Variants in VAX1 observed in about 807,000 individuals in gnomAD.
VAX1 encodes ventral anterior homeobox 1.
In VAX1, 6 loss-of-function variants were observed where a neutral mutation model predicts 17.6. The observed-to-expected ratio is 0.34, with a 90% CI of 0.19 to 0.67. The LOEUF is 0.67. Among genes scored for constraint, VAX1 ranks in the 30% least tolerant of loss-of-function variants. The pLI is 0.69. For missense variants in VAX1, 408 were observed against 463.7 expected (o/e 0.88, Z 1.10); for synonymous variants, 256 against 227.4 (o/e 1.13, Z -1.13).
chr10:117,138,063 G>C lies in VAX1; in HGVS notation c.-7C>G, dbSNP rs1463301487. ...TGTCTGGTTTCCCGAACATAGGCAAGAACAACAACAAAAACAGAAAGGAAA... is the reference window on the plus strand; with the variant it reads ...TGTCTGGTTTCCCGAACATAGGCAACAACAACAACAAAAACAGAAAGGAAA... On this transcript the variant is annotated 5_prime_UTR_variant, in exon 1 of 3. Transcript: ENST00000369206. 4.2e-6 allele frequency: 5 copies of C among 1,197,240 alleles called. No individual in the cohort carries two copies. The African/African-American group carries it at 1.1e-4, about 26-fold the overall frequency. The allele number at this position is 1,197,240 out of a possible 1,614,324, so 74.2% of individuals were successfully genotyped here.
rs372495863 is a variant in VAX1 at position 117,137,934 on chromosome 10, G to C, written c.123C>G (p.Ala41=). The C allele has an allele frequency of 2.3e-5, 37 of 1,613,884 alleles. No homozygotes were observed. The highest frequency in any genetic ancestry group is 3.0e-5 in the Non-Finnish European group (35 of 1,179,992). Residue 41 remains alanine, a synonymous_variant, in exon 1 of 3, where the codon GCC becomes GCG. Coordinates refer to ENST00000369206, the MANE Select transcript of VAX1 (RefSeq NM_001112704.2). This position sits in a 1 kb window ranked among gnomAD's most constrained non-coding sequence, Gnocchi z 7.4. ...CGCCCTGCGGCTCCTTGAGGAAGGCGGCTGGGAGGTTCCCCTCCGCGCCCT... is the reference window on the plus strand; with the variant it reads ...CGCCCTGCGGCTCCTTGAGGAAGGCCGCTGGGAGGTTCCCCTCCGCGCCCT... ...ESKGAEGNLP[A]AFLKEPQGAF...
At position 117,134,270 on chromosome 10, in the gene VAX1, C is replaced by T. The variant is rs1854135326; in HGVS notation, c.743G>A (p.Gly248Asp). ...GAASPHPPAV[G>D]GAPGPGPAGP... ...GGCGGGCCCGGGACCTGGAGCACCG[C>T]CCACAGCCGGCGGGTGCGGGGATGC... The change falls in exon 3 of 3, where the codon GGC becomes GAC. Residue 248 changes from glycine to aspartate, a missense_variant. Physicochemically the swap from Gly to Asp is moderately conservative, Grantham distance 94. Around this residue, in one of 4 missense-constraint regions of VAX1, gnomAD observed 196 missense variants for 218.7 expected, o/e 0.90. Transcript: ENST00000369206. The surrounding 1 kb of genome is among the most constrained non-coding windows in gnomAD (Gnocchi z 6.2). 7.8e-7 allele frequency: 1 copy of T among 1,289,342 alleles called. No homozygotes were observed. The highest frequency in any genetic ancestry group is 2.5e-5 in the South Asian group (1 of 39,720). The allele number at this position is 1,289,342 out of a possible 1,614,324, so 79.9% of individuals were successfully genotyped here.
At position 117,136,373 on chromosome 10, in the gene VAX1, G is replaced by C; in HGVS notation, c.429+99C>G. On this transcript the variant is annotated intron_variant, in intron 2 of 2. Coordinates refer to ENST00000369206, the MANE Select transcript of VAX1 (RefSeq NM_001112704.2). This position sits in a 1 kb window ranked among gnomAD's most constrained non-coding sequence, Gnocchi z 5.0. ...CCATCTCCTCCACCTCCCAAGGGTA[G>C]TTCTGTCCAGAGCAGGTTAGGAGGT... 3 of 1,462,480 alleles carry C rather than the reference G, an allele frequency of 2.1e-6. No individual in the cohort carries two copies. The highest frequency in any genetic ancestry group is 2.8e-6 in the Non-Finnish European group (3 of 1,074,358). The allele number at this position is 1,462,480 out of a possible 1,614,324, so 90.6% of individuals were successfully genotyped here.
At chr10:117,132,852 C>A (rs1854108977), downstream of VAX1, among the ~76,000 whole-genome samples, 1 of 152,186 alleles carries the variant, frequency 6.6e-6, no homozygotes, top group Non-Finnish European at 1.5e-5. The surrounding 1 kb of genome is among the most constrained non-coding windows in gnomAD (Gnocchi z 4.9). Flanking sequence ...GCCTCCCCTT[C>A]CGCAAAGAAC....
Position 117,134,309 on chromosome 10 carries a change from C to T in VAX1, c.704G>A (p.Gly235Asp). 9.1e-7 allele frequency: 1 copy of T among 1,103,838 alleles called. No individual in the cohort carries two copies. Among genetic ancestry groups the T allele is most frequent in the Middle Eastern group, 3.9e-4 (1 of 2,562 alleles). The allele number at this position is 1,103,838 out of a possible 1,614,324, so 68.4% of individuals were successfully genotyped here. Residue 235 changes from glycine (G) to aspartate (D), a missense_variant, in exon 3 of 3, where the codon GGC becomes GAC. By Grantham distance (94) the Gly-to-Asp change is moderately conservative. This residue lies in a region of VAX1 where 196 missense variants were observed against 218.7 expected (regional missense o/e 0.90). Coordinates refer to ENST00000369206, the MANE Select transcript of VAX1 (RefSeq NM_001112704.2). The surrounding 1 kb of genome is among the most constrained non-coding windows in gnomAD (Gnocchi z 6.2). ...GTGCGGGGATGCAGCGCCCGCTGGGCCCGGGGCGGCGGCGGCGGCTGCGGC... is the reference window on the plus strand; with the variant it reads ...GTGCGGGGATGCAGCGCCCGCTGGGTCCGGGGCGGCGGCGGCGGCTGCGGC... ...SAAAAAAAAP[G>D]PAGAASPHPP...
downstream of VAX1, chr10:117,132,506 G>A (rs1472301389): frequency 6.3e-7 from 1 of 1,585,892 alleles, no homozygotes; most frequent in African/African-American, 1.4e-5. This position sits in a 1 kb window ranked among gnomAD's most constrained non-coding sequence, Gnocchi z 4.9. Flanking sequence ...TGAAAAAGAG[G>A]GGGAGAGTTT....
Position 117,133,672 on chromosome 10 carries a change from C to G in VAX1, c.*336G>C. On this transcript the variant is annotated 3_prime_UTR_variant, in exon 3 of 3. Coordinates refer to ENST00000369206, the MANE Select transcript of VAX1 (RefSeq NM_001112704.2). ...GCGGATCTAGAGCAAACGTCCTGTG[C>G]TTTGGAGTTAGAACCAGTCTTTTCC... 9.6e-7 allele frequency: 1 copy of G among 1,042,278 alleles called. No homozygotes were observed. The highest frequency in any genetic ancestry group is 1.2e-6 in the Non-Finnish European group (1 of 867,844). The allele number at this position is 1,042,278 out of a possible 1,614,324, so 64.6% of individuals were successfully genotyped here.
downstream of VAX1, chr10:117,133,236 T>TA (rs1854114990): frequency 1.0e-6 from 1 of 978,582 alleles, no homozygotes; most frequent in Non-Finnish European, 1.2e-6. Flanking sequence ...TGAATTTTCT[T>TA]ACACCTTCCA....
chr10:117,132,394 A>G (rs1854099898), downstream of VAX1: 1 of 1,611,768 alleles, frequency 6.2e-7, no homozygotes, highest in Non-Finnish European at 8.5e-7. This position sits in a 1 kb window ranked among gnomAD's most constrained non-coding sequence, Gnocchi z 4.9. Context: ...CCAAATATCC[A>G]AAACATTCAG....
downstream of VAX1, chr10:117,132,087 G>T (rs1854092421): frequency 1.0e-6 from 1 of 1,003,214 alleles, no homozygotes; most frequent in East Asian, 2.5e-5. This position sits in a 1 kb window ranked among gnomAD's most constrained non-coding sequence, Gnocchi z 4.9. Context: ...GAGAAATCGA[G>T]AGCGAAACAC....
In VAX1 at chr10:117,137,879, A is replaced by G. The variant is rs1854212650; in HGVS notation, c.178T>C (p.Cys60Arg). Residue 60 changes from cysteine to arginine, a missense_variant, in exon 1 of 3, where the codon TGT (cysteine) becomes CGT (arginine). Coordinates refer to ENST00000369206, the MANE Select transcript of VAX1 (RefSeq NM_001112704.2). This position sits in a 1 kb window ranked among gnomAD's most constrained non-coding sequence, Gnocchi z 7.4. ...GCGGAATTGGATTTACTTTTGTTAC[A>G]ATCCTCAGCAGCGCCCGACGCTGAG... ...AFSASGAAED[C>R]NKSKSNSAAD... is the part of the protein sequence containing the mutation. The G allele has an allele frequency of 6.2e-7, 1 of 1,613,584 alleles. No individual in the cohort carries two copies. Among genetic ancestry groups the G allele is most frequent in the African/African-American group, 1.3e-5 (1 of 74,886 alleles).
Position 117,136,664 on chromosome 10 carries a change from G to A in VAX1, c.242-5C>T, listed in dbSNP as rs200000920. The A allele has an allele frequency of 7.9e-5, 126 of 1,600,860 alleles. No individual in the cohort carries two copies. Among genetic ancestry groups the A allele is most frequent in the Admixed American group, 1.8e-4 (11 of 59,646 alleles). On this transcript the variant is annotated splice_region_variant and splice_polypyrimidine_tract_variant and intron_variant, in intron 1 of 2. Coordinates refer to ENST00000369206, the MANE Select transcript of VAX1 (RefSeq NM_001112704.2). This position sits in a 1 kb window ranked among gnomAD's most constrained non-coding sequence, Gnocchi z 5.0. The stretch of plus-strand genomic sequence containing the variant: ...CTCGGATGGACCCCTTGGCATCTGG[G>A]GAAGGGGAGATGTCAGCCGCCAGAA...
In VAX1 at chr10:117,134,696, T is replaced by G. The variant is rs929036401; in HGVS notation, c.430-113A>C. ...GGGCTCTCCCCAAGTCCCAGCCCTA[T>G]CCGCAGCCCCACCCAGCAGCCGGAG... On this transcript the variant is annotated intron_variant, in intron 2 of 2. Coordinates refer to ENST00000369206, the MANE Select transcript of VAX1 (RefSeq NM_001112704.2). The surrounding 1 kb of genome is among the most constrained non-coding windows in gnomAD (Gnocchi z 6.2). 1.2e-5 allele frequency: 13 copies of G among 1,102,958 alleles called. No homozygotes were observed. Among genetic ancestry groups the G allele is most frequent in the African/African-American group, 1.7e-5 (1 of 59,942 alleles). The allele number at this position is 1,102,958 out of a possible 1,614,324, so 68.3% of individuals were successfully genotyped here.
downstream of VAX1, chr10:117,131,668 A>T (rs1417795305): frequency 1.3e-5 from 2 of 152,518 alleles, no homozygotes; most frequent in Admixed American, 1.3e-4. Flanking sequence ...CGTGCTGCAC[A>T]CGCTTTAGAA....
rs1311563339 is a variant in VAX1, at chr10:117,137,167, C to G, written c.242-508G>C. ...GCCGGGCCCGGAGATCTGCTGCTGG[C>G]TGGGGCGGCGCCGGGCCGGGGCCCG... On this transcript the variant is annotated intron_variant, in intron 1 of 2. Coordinates refer to ENST00000369206, the MANE Select transcript of VAX1 (RefSeq NM_001112704.2). This position sits in a 1 kb window ranked among gnomAD's most constrained non-coding sequence, Gnocchi z 7.4. Among the ~76,000 whole-genome samples, 1 of 151,916 alleles carries G rather than the reference C, an allele frequency of 6.6e-6. No homozygotes were observed. The highest frequency in any genetic ancestry group is 2.4e-5 in the African/African-American group (1 of 41,402).
Position 117,134,412 on chromosome 10 carries a change from C to A in VAX1, c.601G>T (p.Ala201Ser). 6.7e-7 allele frequency: 1 copy of A among 1,490,164 alleles called. No homozygotes were observed. 92.3% of individuals were successfully genotyped at this position (1,490,164 alleles called of 1,614,324 possible). Residue 201 changes from alanine (A) to serine (S), a missense_variant, in exon 3 of 3, where the codon GCC becomes TCC. Transcript: ENST00000369206. This position sits in a 1 kb window ranked among gnomAD's most constrained non-coding sequence, Gnocchi z 6.2. Reference protein sequence around the residue: ...PGLPALLPPCATGALGSALRG... With the variant: ...PGLPALLPPCSTGALGSALRG... ...AGCGCTGAGCCGAGAGCGCCCGTGG[C>A]GCAAGGCGGCAGCAGCGCAGGCAGG...
Position 117,138,166 on chromosome 10 carries a change from C to G in VAX1, c.-110G>C. 8.4e-7 allele frequency: 1 copy of G among 1,185,168 alleles called. No individual in the cohort carries two copies. Among genetic ancestry groups the G allele is most frequent in the Non-Finnish European group, 1.1e-6 (1 of 876,554 alleles). The allele number at this position is 1,185,168 out of a possible 1,614,324, so 73.4% of individuals were successfully genotyped here. On this transcript the variant is annotated 5_prime_UTR_variant, in exon 1 of 3. Transcript: ENST00000369206. ...AGGAAAAAGGGGACAAAACCCCCGACAACGCGGCCCGTACGCCCGGCCCGG... is the reference window on the plus strand; with the variant it reads ...AGGAAAAAGGGGACAAAACCCCCGAGAACGCGGCCCGTACGCCCGGCCCGG...
downstream of VAX1, chr10:117,131,951 T>C (rs1854090124): frequency 2.3e-6 from 1 of 440,306 alleles, no homozygotes; most frequent in South Asian, 6.3e-5. Flanking sequence ...TGGAAGACTC[T>C]AGAAACCTAG....
At position 117,137,857 on chromosome 10, in the gene VAX1, G is replaced by C; in HGVS notation, c.200C>G (p.Ser67Cys). ...GCGGCAGTAATCCGGGTCCGCTGCG[G>C]AATTGGATTTACTTTTGTTACAATC... ...AEDCNKSKSN[S>C]AADPDYCRRI... Residue 67 changes from serine (S) to cysteine (C), a missense_variant, in exon 1 of 3, where the codon TCC becomes TGC. By Grantham distance (112) the Ser-to-Cys change is moderately radical (BLOSUM62 -1). Around this residue, in one of 4 missense-constraint regions of VAX1, gnomAD observed 133 missense variants for 112.0 expected, o/e 1.19. Coordinates refer to ENST00000369206, the MANE Select transcript of VAX1 (RefSeq NM_001112704.2). The surrounding 1 kb of genome is among the most constrained non-coding windows in gnomAD (Gnocchi z 7.4). The C allele has an allele frequency of 6.2e-7, 1 of 1,613,554 alleles. No individual in the cohort carries two copies. The highest frequency in any genetic ancestry group is 8.5e-7 in the Non-Finnish European group (1 of 1,179,984).
Sources: allele counts gnomAD v4.1 joint callset (sites outside exome capture counted in the v4.1 genomes callset), GRCh38; gene constraint gnomAD v4.1.1; regional missense constraint gnomAD v4.1.1; non-coding constraint Gnocchi (gnomAD v3.1); transcripts MANE v1.5; gene names NCBI Gene and HGNC (gene_info 2026-07-23, HGNC 2026-07-21).